LRRIQ1: variants seen among roughly 807,000 people sequenced by gnomAD.
LRRIQ1 encodes the protein leucine-rich repeat- and IQ domain-containing protein 1.
LRRIQ1 carries 210 observed loss-of-function variants against 211.9 expected under a neutral mutation model. The ratio of observed to expected loss-of-function variants is 0.99; its 90% CI spans 0.89 to 1.11. The LOEUF is 1.11. LRRIQ1 is among the 50% of genes most tolerant of loss of function. LRRIQ1 has a pLI of 0.00. For synonymous variants in LRRIQ1, 699 were observed against 650.1 expected, an observed-to-expected ratio of 1.08 and a Z score of -1.14; for missense variants, 2,136 against 1,939.5, an observed-to-expected ratio of 1.10 and a Z score of -1.90.
At chr12:85,247,451 T>A (rs144822772), downstream of LRRIQ1, among the ~76,000 whole-genome samples, 1 of 151,788 alleles carries the variant, frequency 6.6e-6, no homozygotes, top group African/African-American at 2.4e-5. Context: ...TTTAGTGTTG[T>A]TATAATTTTA....
rs755065259 is a variant in LRRIQ1, at chr12:85,056,774, A to G, written c.1981A>G (p.Thr661Ala). 2.4e-5 allele frequency: 38 copies of G among 1,609,010 alleles called. No homozygotes were observed. Among genetic ancestry groups the G allele is most frequent in the Non-Finnish European group, 2.9e-5 (34 of 1,178,574 alleles). Residue 661 changes from threonine to alanine, a missense_variant, in exon 8 of 27, where the codon ACT (threonine) becomes GCT (alanine). Physicochemically the swap from Thr to Ala is moderately conservative, Grantham distance 58 (BLOSUM62 0). Transcript: ENST00000393217. ...WNSGIVIFNTTDTMINIEGKR... is the reference protein window; with the variant it reads ...WNSGIVIFNTADTMINIEGKR... ...TAGTGGCATTGTGATTTTTAACACA[A>G]CTGATACCATGATAAATATAGAAGG...
At chr12:85,204,633 A>T (rs991784150) in intron 24 of LRRIQ1, among the ~76,000 whole-genome samples, 1 of 152,062 alleles carries the variant, frequency 6.6e-6, no homozygotes, top group Non-Finnish European at 1.5e-5. Flanking sequence ...TTAAGATTTG[A>T]CTGCCCTGCT....
chr12:85,079,262 T>G (rs2136150861), intron 11 of LRRIQ1, among the ~76,000 whole-genome samples: 1 of 147,394 alleles, frequency 6.8e-6, no homozygotes, highest in South Asian at 2.2e-4. Flanking sequence ...TTTTTTTTTT[T>G]TTTTTGAGAT....
At chr12:85,210,657 G>A (rs780922172) in intron 24 of LRRIQ1, among the ~76,000 whole-genome samples, 1 of 152,126 alleles carries the variant, frequency 6.6e-6, no homozygotes, top group Non-Finnish European at 1.5e-5. Context: ...CAAATCATTG[G>A]TTTCGTATAC....
intron 11 of LRRIQ1, among the ~76,000 whole-genome samples, chr12:85,080,905 A>G (rs1482931487): frequency 1.3e-5 from 2 of 152,164 alleles, no homozygotes. Flanking sequence ...AGAGAATACT[A>G]TGAAAAAATA....
Position 85,174,953 on chromosome 12 carries a change from C to A in LRRIQ1, c.4822+14239C>A, listed in dbSNP as rs531205443. Among the ~76,000 whole-genome samples the A allele has an allele frequency of 5.3e-5, 8 of 152,034 alleles. No homozygotes were observed. The East Asian group carries it at 1.5e-3, about 29-fold the overall frequency. On this transcript the variant is annotated intron_variant, in intron 24 of 26. Transcript: ENST00000393217. ...ACCTCAAAGTCCTCCAAAAGGAAGA[C>A]CAGATCTCTTGCAATGGGTCAGTTA...
intron 11 of LRRIQ1, among the ~76,000 whole-genome samples, chr12:85,090,263 A>G (rs1885248276): frequency 6.6e-6 from 1 of 152,104 alleles, no homozygotes; most frequent in South Asian, 2.1e-4. Context: ...CTCATAGAGA[A>G]CCTCTACCAA....
chr12:85,262,400 A>G (rs958895706), intron 1 of LRRIQ1, among the ~76,000 whole-genome samples: 42 of 152,090 alleles, frequency 2.8e-4, no homozygotes, highest in African/African-American at 1.0e-3. Flanking sequence ...GCTCTATTTT[A>G]GGTAGCCAAA....
intron 24 of LRRIQ1, among the ~76,000 whole-genome samples, chr12:85,209,937 A>G (rs1893755866): frequency 6.6e-6 from 1 of 152,160 alleles, no homozygotes; most frequent in Admixed American, 6.6e-5. Flanking sequence ...TCAAGAAGCC[A>G]TATTTTTCCA....
At chr12:85,203,850 G>C (rs1565902169) in intron 24 of LRRIQ1, among the ~76,000 whole-genome samples, 1 of 152,112 alleles carries the variant, frequency 6.6e-6, no homozygotes, top group Admixed American at 6.5e-5. Context: ...CAATAGAAAA[G>C]AAAATCCCAT....
At chr12:85,128,800 C>T (rs555631842) in intron 18 of LRRIQ1, among the ~76,000 whole-genome samples, 175 of 152,250 alleles carry the variant, frequency 1.1e-3, no homozygotes, top group Non-Finnish European at 1.9e-3. Context: ...CTCAATCTCA[C>T]CAAGACCAGG....
chr12:85,106,495 C>G (rs570386048), intron 14 of LRRIQ1, 27 bp from the exon 15 acceptor site: 1 of 1,473,340 alleles, frequency 6.8e-7, no homozygotes, highest in African/African-American at 1.4e-5. Flanking sequence ...GTGATGATAC[C>G]TTTCAAAATG....
intron 19 of LRRIQ1, among the ~76,000 whole-genome samples, chr12:85,143,279 T>C (rs1324775230): frequency 6.6e-6 from 1 of 151,758 alleles, no homozygotes; most frequent in African/African-American, 2.4e-5. Flanking sequence ...TCTGTTCAGG[T>C]CCTTTGCTCA....
chr12:85,110,403 A>T (rs925101783), intron 15 of LRRIQ1, among the ~76,000 whole-genome samples: 1 of 152,130 alleles, frequency 6.6e-6, no homozygotes. Flanking sequence ...ATAATTATGT[A>T]TGTAACCCAG....
intron 19 of LRRIQ1, 136 bp downstream of exon 19, chr12:85,138,105 C>T (rs962874817): frequency 1.8e-6 from 1 of 557,054 alleles, no homozygotes; most frequent in Non-Finnish European, 3.0e-6. Context: ...AGAAACTTTT[C>T]CTAACATCAT....
intron 6 of LRRIQ1, among the ~76,000 whole-genome samples, chr12:85,050,078 G>A (rs1880117555): frequency 6.6e-6 from 1 of 152,078 alleles, no homozygotes; most frequent in Admixed American, 6.6e-5. Context: ...TAAATGACCA[G>A]ATCTAATGTG....
At chr12:85,259,694 A>G (rs577220309) in intron 1 of LRRIQ1, among the ~76,000 whole-genome samples, 5 of 152,280 alleles carry the variant, frequency 3.3e-5, no homozygotes, top group South Asian at 2.1e-4. Context: ...CTCATTTTCT[A>G]TAGCATTTTC....
chr12:85,269,026 A>C (rs564207176), downstream of LRRIQ1, among the ~76,000 whole-genome samples: 3 of 152,098 alleles, frequency 2.0e-5, no homozygotes, highest in Admixed American at 2.0e-4. Flanking sequence ...AGGATGAATT[A>C]ACGAAAGCAT....
chr12:85,174,381 A>C (rs933616539), intron 24 of LRRIQ1, among the ~76,000 whole-genome samples: 1 of 151,884 alleles, frequency 6.6e-6, no homozygotes, highest in African/African-American at 2.4e-5. Flanking sequence ...TCAGTTCAGG[A>C]GGTCCAACAT....
Sources: gnomAD v4.1 joint callset for allele counts (sites outside exome capture counted in the v4.1 genomes callset) on GRCh38, gnomAD v4.1.1 for gene constraint, MANE v1.5 for transcripts, NCBI Gene and HGNC (gene_info 2026-07-23, HGNC 2026-07-21) for gene names.